COL28A1: variants seen among roughly 807,000 people sequenced by gnomAD.
COL28A1 encodes the protein collagen type XXVIII alpha 1 chain.
Under a neutral mutation model 150.2 loss-of-function variants are expected in COL28A1, and 161 were observed. That is an observed-to-expected ratio of 1.07 (90% CI 0.94 to 1.22). The LOEUF (loss-of-function observed/expected upper bound fraction) is 1.22. Ranked by LOEUF, COL28A1 falls within the 50% of genes most tolerant of loss-of-function variation. The pLI is 0.00. For synonymous variants in COL28A1, 552 were observed against 469.7 expected (o/e 1.18, Z -2.26); for missense variants, 1,617 against 1,388.3 (o/e 1.16, Z -2.62).
At chr7:7,485,498 G>T (rs1032706415) in intron 13 of COL28A1, among the ~76,000 whole-genome samples, 2 of 152,050 alleles carry the variant, frequency 1.3e-5, no homozygotes, top group Non-Finnish European at 2.9e-5. Flanking sequence ...TTTAGGGGGG[G>T]ATCATGTTTT....
chr7:7,543,661 A>C, the COL28A1 span, among the ~76,000 whole-genome samples: 3 of 152,178 alleles, frequency 2.0e-5, no homozygotes, highest in Non-Finnish European at 2.9e-5. Context: ...CCATGGATGC[A>C]AACAACTTCA....
intron 10 of COL28A1, among the ~76,000 whole-genome samples, chr7:7,506,454 C>T (rs1780815283): frequency 6.6e-6 from 1 of 152,174 alleles, no homozygotes; most frequent in African/African-American, 2.4e-5. Flanking sequence ...AGAATGACTG[C>T]CTGGCTCTGA....
chr7:7,359,849 T>G (rs10952052), intron 34 of COL28A1, among the ~76,000 whole-genome samples: 2 of 151,916 alleles, frequency 1.3e-5, no homozygotes, highest in Admixed American at 1.3e-4. Context: ...TAATATATAT[T>G]GTGTAATTCA....
intron 27 of COL28A1, chr7:7,417,609 GAAAGCAA>G: frequency 2.4e-6 from 1 of 423,322 alleles, no homozygotes; most frequent in Non-Finnish European, 4.1e-6. Flanking sequence ...ACAAAGAGGG[GAAAGCAA>G]CAAACCATAG....
chr7:7,526,098 T>C (rs1186458413), intron 3 of COL28A1, among the ~76,000 whole-genome samples: 1 of 152,268 alleles, frequency 6.6e-6, no homozygotes, highest in Non-Finnish European at 1.5e-5. Flanking sequence ...TATTACCCTC[T>C]GTAGAACATT....
At chr7:7,516,000 T>C (rs1781395621) in intron 7 of COL28A1, among the ~76,000 whole-genome samples, 160 bp from the exon 8 acceptor site, 1 of 152,270 alleles carries the variant, frequency 6.6e-6, no homozygotes, top group African/African-American at 2.4e-5. Context: ...TCTTTGTGCT[T>C]GGAGAAATAT....
intron 30 of COL28A1, among the ~76,000 whole-genome samples, chr7:7,378,441 A>G (rs1369436957): frequency 6.6e-6 from 1 of 152,180 alleles, no homozygotes; most frequent in African/African-American, 2.4e-5. Flanking sequence ...AAATGCTAAC[A>G]CCGAAGTGAC....
At chr7:7,365,863 A>C (rs1780908782) in intron 33 of COL28A1, among the ~76,000 whole-genome samples, 1 of 152,154 alleles carries the variant, frequency 6.6e-6, no homozygotes, top group Admixed American at 6.5e-5. Context: ...ATTCTCCCCA[A>C]GAATCAAACA....
chr7:7,517,310 G>A (rs1299740769), intron 7 of COL28A1, among the ~76,000 whole-genome samples: 2 of 152,124 alleles, frequency 1.3e-5, no homozygotes, highest in Non-Finnish European at 2.9e-5. Flanking sequence ...GCCCAGAAAA[G>A]TGCAAAATAA....
intron 20 of COL28A1, 49 bp from the exon 21 acceptor site, chr7:7,440,910 C>G: frequency 1.1e-6 from 1 of 878,660 alleles, no homozygotes; most frequent in Non-Finnish European, 1.9e-6. Context: ...TATTAGCAAC[C>G]TCCCCTAATC....
chr7:7,451,760 C>T (rs1298471676), intron 18 of COL28A1, among the ~76,000 whole-genome samples: 1 of 152,020 alleles, frequency 6.6e-6, no homozygotes, highest in African/African-American at 2.4e-5. Context: ...ACATGGAAAC[C>T]ATGTAAAAAT....
At position 7,532,776 on chromosome 7, in the gene COL28A1, G is replaced by A. The variant is rs777070399; in HGVS notation, c.100C>T (p.Leu34Phe). Residue 34 changes from leucine (L) to phenylalanine (F), a missense_variant, in exon 2 of 35, where the codon CTT (leucine) becomes TTT (phenylalanine). Coordinates refer to ENST00000399429, the MANE Select transcript of COL28A1 (RefSeq NM_001037763.3). ...CCCTGGACATCACTTTTCCTTGCAA[G>A]CAAATTTGATTTTGGTCCTTTCTTT... ...QRKKGPKSNL[L>F]ARKSDVQGSI... 1.9e-6 allele frequency: 3 copies of A among 1,608,986 alleles called. No individual in the cohort carries two copies. Among genetic ancestry groups the A allele is most frequent in the East Asian group, 2.2e-5 (1 of 44,736 alleles).
At chr7:7,490,019 C>A (rs1401869219) in intron 12 of COL28A1, among the ~76,000 whole-genome samples, 1 of 152,168 alleles carries the variant, frequency 6.6e-6, no homozygotes, top group Non-Finnish European at 1.5e-5. Context: ...CTATTTTAAT[C>A]CTGCATCAAA....
At chr7:7,436,498 T>C in intron 22 of COL28A1, 35 bp from the exon 23 acceptor site, 1 of 999,680 alleles carries the variant, frequency 1.0e-6, no homozygotes, top group South Asian at 1.3e-5. Context: ...CAGGCTACAG[T>C]TGTGCGAGAA....
At chr7:7,506,978 C>T in intron 10 of COL28A1, 139 bp downstream of exon 10, 1 of 574,684 alleles carries the variant, frequency 1.7e-6, no homozygotes, top group South Asian at 2.8e-5. Context: ...TTCTGGGTAT[C>T]TTAAACAATA....
chr7:7,435,796 A>G (rs1018327724), intron 23 of COL28A1, among the ~76,000 whole-genome samples: 2 of 152,194 alleles, frequency 1.3e-5, no homozygotes, highest in Non-Finnish European at 2.9e-5. Context: ...TGATTTTAAA[A>G]GTGCTAATGA....
chr7:7,493,244 G>A (rs911326192), intron 11 of COL28A1, among the ~76,000 whole-genome samples: 3 of 151,890 alleles, frequency 2.0e-5, no homozygotes, highest in Non-Finnish European at 2.9e-5. Flanking sequence ...TATATATTTG[G>A]TAGAGAATTT....
Position 7,531,534 on chromosome 7 carries a change from A to G in COL28A1, c.495T>C (p.His165=). The G allele has an allele frequency of 6.2e-7, 1 of 1,611,762 alleles. No individual in the cohort carries two copies. The highest frequency in any genetic ancestry group is 8.5e-7 in the Non-Finnish European group (1 of 1,178,030). The part of the protein sequence containing the change: ...VVLLMTDGID[H]PKNPDVQSIS... The stretch of plus-strand genomic sequence containing the variant: ...TACTTTGAACATCTGGATTCTTTGG[A>G]TGGTCGATGCCATCAGTCATCAGCA... Residue 165 remains histidine, a synonymous_variant, in exon 3 of 35, where the codon CAT becomes CAC. Coordinates refer to ENST00000399429, the MANE Select transcript of COL28A1 (RefSeq NM_001037763.3).
In COL28A1 at chr7:7,489,338, G is replaced by A. The variant is rs751802665; in HGVS notation, c.1164+51C>T. 5 of 871,206 alleles carry A rather than the reference G, an allele frequency of 5.7e-6. No homozygotes were observed. The East Asian group carries it at 1.2e-4, about 21-fold the overall frequency. The allele number at this position is 871,206 out of a possible 1,614,324, so 54.0% of individuals were successfully genotyped here. ...CATTTATCCTAAACAGAAAGAACAA[G>A]TAAAAACTATATTTGTCCTTTTCAT... On this transcript the variant is annotated intron_variant, in intron 13 of 34. Coordinates refer to ENST00000399429, the MANE Select transcript of COL28A1 (RefSeq NM_001037763.3).
Sources: gnomAD v4.1 joint callset for allele counts (sites outside exome capture counted in the v4.1 genomes callset) on GRCh38, gnomAD v4.1.1 for gene constraint, MANE v1.5 for transcripts, NCBI Gene and HGNC (gene_info 2026-07-23, HGNC 2026-07-21) for gene names.